Variants in ATP8B4 observed in about 807,000 individuals in gnomAD.
ATP8B4 encodes the protein ATPase phospholipid transporting 8B4 (putative).
Under a neutral mutation model 145.6 loss-of-function variants are expected in ATP8B4, and 133 were observed. That is an observed-to-expected ratio of 0.91 (90% CI 0.79 to 1.05). ATP8B4 has a LOEUF of 1.05. Ranked by LOEUF, ATP8B4 falls within the 50% of genes least tolerant of loss-of-function variation. ATP8B4 has a pLI of 0.00. For missense variants in ATP8B4, 1,458 were observed against 1,425.2 expected, an observed-to-expected ratio of 1.02 and a Z score of -0.37; for synonymous variants, 507 against 492.9, an observed-to-expected ratio of 1.03 and a Z score of -0.38.
intron 2 of ATP8B4, among the ~76,000 whole-genome samples, chr15:50,080,839 C>A (rs117837066): frequency 3.3e-5 from 5 of 152,040 alleles, no homozygotes; most frequent in Non-Finnish European, 5.9e-5. Flanking sequence ...ATGGGCCGGG[C>A]GCAGTGGCTC....
intron 12 of ATP8B4, among the ~76,000 whole-genome samples, chr15:49,978,951 C>A (rs533877757): frequency 1.3e-5 from 2 of 151,982 alleles, no homozygotes; most frequent in South Asian, 4.1e-4. Flanking sequence ...AGTTATAAAT[C>A]ATACTTCTTA....
At chr15:49,897,999 A>G in intron 22 of ATP8B4, 69 bp downstream of exon 22, 3 of 1,535,796 alleles carry the variant, frequency 2.0e-6, no homozygotes, top group Non-Finnish European at 2.7e-6. Flanking sequence ...TAGTGATTAT[A>G]TATTGCCAAA....
rs983743300 is a variant in ATP8B4, at chr15:49,879,439, G to A, written c.2718C>T (p.Phe906=). Reference sequence around the variant, plus strand: ...TGTAAACAATGTTAAAAAGGGTGATGAACCACTGGTCATAAACAGTCTGAA... The same window carrying A: ...TGTAAACAATGTTAAAAAGGGTGATAAACCACTGGTCATAAACAGTCTGAA... ...FSAQTVYDQW[F]ITLFNIVYTS... is the part of the protein sequence containing the mutation. The change falls in exon 24 of 28, where the codon TTC becomes TTT. Residue 906 remains phenylalanine (F), a synonymous_variant. Coordinates refer to ENST00000284509, the MANE Select transcript of ATP8B4 (RefSeq NM_024837.4). The A allele has an allele frequency of 1.2e-6, 2 of 1,611,500 alleles. No homozygotes were observed. The highest frequency in any genetic ancestry group is 1.7e-5 in the Admixed American group (1 of 59,886).
chr15:50,126,399 T>C (rs562811220), intron 1 of ATP8B4, among the ~76,000 whole-genome samples: 13 of 152,258 alleles, frequency 8.5e-5, no homozygotes, highest in Admixed American at 5.2e-4. Flanking sequence ...ACCCAGGAAA[T>C]GTCCCGATGA....
At chr15:49,876,147 T>C in intron 25 of ATP8B4, 131 bp downstream of exon 25, 1 of 1,251,320 alleles carries the variant, frequency 8.0e-7, no homozygotes, top group South Asian at 1.6e-5. Context: ...TCTCAAAATG[T>C]GTACTTAAAA....
chr15:49,979,242 T>C (rs1348321495), intron 12 of ATP8B4, among the ~76,000 whole-genome samples: 1 of 152,138 alleles, frequency 6.6e-6, no homozygotes, highest in African/African-American at 2.4e-5. Context: ...TCCATGTATC[T>C]ATAGAGCCAG....
intron 16 of ATP8B4, among the ~76,000 whole-genome samples, chr15:49,924,039 A>G (rs760008217): frequency 3.9e-5 from 6 of 152,080 alleles, no homozygotes; most frequent in Non-Finnish European, 7.4e-5. Context: ...TTCCTGGGTA[A>G]CAATTCTGGC....
intron 1 of ATP8B4, among the ~76,000 whole-genome samples, chr15:50,170,260 G>A (rs2044651392): frequency 6.6e-6 from 1 of 152,116 alleles, no homozygotes; most frequent in Non-Finnish European, 1.5e-5. Context: ...AGAATCCTAA[G>A]AGCTGTGAGA....
chr15:50,086,601 T>C (rs191264619), intron 2 of ATP8B4, among the ~76,000 whole-genome samples: 242 of 115,856 alleles, frequency 2.1e-3, no homozygotes, highest in African/African-American at 9.0e-3. Flanking sequence ...TAGAGATCTA[T>C]ATTTATTATA....
At chr15:50,174,093 T>C (rs2044727980) in intron 1 of ATP8B4, among the ~76,000 whole-genome samples, 1 of 152,122 alleles carries the variant, frequency 6.6e-6, no homozygotes. Context: ...AAATCCAGCA[T>C]CTCTTTATGA....
chr15:49,878,445 C>T (rs563837655), intron 24 of ATP8B4, among the ~76,000 whole-genome samples: 10 of 152,300 alleles, frequency 6.6e-5, no homozygotes, highest in East Asian at 1.9e-4. Context: ...TTGCAATAGA[C>T]GGCTTTGGCC....
At chr15:50,163,093 A>G (rs1417042679) in intron 1 of ATP8B4, among the ~76,000 whole-genome samples, 1 of 152,196 alleles carries the variant, frequency 6.6e-6, no homozygotes, top group Non-Finnish European at 1.5e-5. Flanking sequence ...GAAAGGTCAC[A>G]TATCTCCATC....
chr15:50,010,058 T>C (rs1233220449), intron 7 of ATP8B4, among the ~76,000 whole-genome samples: 1 of 152,174 alleles, frequency 6.6e-6, no homozygotes, highest in Non-Finnish European at 1.5e-5. Flanking sequence ...TGTAAATAAC[T>C]CTTGGGGCCA....
At chr15:49,902,961 G>A (rs2038203881) in intron 20 of ATP8B4, among the ~76,000 whole-genome samples, 1 of 152,130 alleles carries the variant, frequency 6.6e-6, no homozygotes, top group South Asian at 2.1e-4. Context: ...CCAAAGAAGG[G>A]TGAAGTTCAT....
chr15:50,074,122 C>T lies in ATP8B4; in HGVS notation c.87+5G>A. On this transcript the variant is annotated splice_donor_5th_base_variant and intron_variant, in intron 3 of 27. Transcript: ENST00000284509. ...GTACGTATGTGTTATGTGTGTTTCA[C>T]TTACCGCATACTGGAACTTTTCATT... is the stretch of plus-strand genomic sequence containing the variant. The T allele has an allele frequency of 1.2e-6, 2 of 1,611,504 alleles. No individual in the cohort carries two copies. The highest frequency in any genetic ancestry group is 1.7e-6 in the Non-Finnish European group (2 of 1,177,920).
intron 2 of ATP8B4, among the ~76,000 whole-genome samples, chr15:50,098,015 C>T (rs2056097023): frequency 6.6e-6 from 1 of 152,168 alleles, no homozygotes; most frequent in African/African-American, 2.4e-5. Flanking sequence ...GAACCAGGTT[C>T]ATTCCTATCA....
intron 6 of ATP8B4, among the ~76,000 whole-genome samples, chr15:50,026,348 A>C (rs1229119506): frequency 6.6e-6 from 1 of 152,204 alleles, no homozygotes; most frequent in African/African-American, 2.4e-5. Flanking sequence ...AATCCCATGA[A>C]GTGCTCATTA....
rs559427752 is a variant in ATP8B4, at chr15:50,071,482, C to T, written c.87+2645G>A. Reference sequence around the variant, plus strand: ...TGTTGCATATTGGAAAACAAGTAAACGCAGCCAAGTACTTAAATGCATAAT... The same window carrying T: ...TGTTGCATATTGGAAAACAAGTAAATGCAGCCAAGTACTTAAATGCATAAT... On this transcript the variant is annotated intron_variant, in intron 3 of 27. Transcript: ENST00000284509. 5.9e-5 allele frequency among the ~76,000 whole-genome samples: 9 copies of T among 152,302 alleles called. No individual in the cohort carries two copies. The South Asian group carries it at 1.7e-3, about 28-fold the overall frequency.
intron 8 of ATP8B4, among the ~76,000 whole-genome samples, chr15:50,000,676 A>G (rs2047814547): frequency 6.6e-6 from 1 of 152,168 alleles, no homozygotes; most frequent in South Asian, 2.1e-4. Flanking sequence ...TCCTAACAGG[A>G]ACTTCTGTGG....
Sources: allele counts gnomAD v4.1 joint callset (sites outside exome capture counted in the v4.1 genomes callset), GRCh38; gene constraint gnomAD v4.1.1; transcripts MANE v1.5; gene names NCBI Gene and HGNC (gene_info 2026-07-23, HGNC 2026-07-21).